The following SGCD variants were observed in gnomAD, a reference collection of about 807,000 sequenced individuals.
SGCD encodes delta-sarcoglycan.
Under a neutral mutation model 36.6 loss-of-function variants are expected in SGCD, and 18 were observed. The observed-to-expected ratio is 0.49, with a 90% confidence interval of 0.34 to 0.73. The LOEUF (loss-of-function observed/expected upper bound fraction) is 0.73. SGCD is among the 30% of genes least tolerant of loss of function. The pLI is 0.01. For missense variants in SGCD, 387 were observed against 346.7 expected, an observed-to-expected ratio of 1.12 and a Z score of -0.92; for synonymous variants, 133 against 130.6, an observed-to-expected ratio of 1.02 and a Z score of -0.12.
intron 1 of SGCD, among the ~76,000 whole-genome samples, chr5:156,107,378 C>T (rs1761674360): frequency 6.6e-6 from 1 of 152,066 alleles, no homozygotes; most frequent in South Asian, 2.1e-4. Flanking sequence ...TCACGGAACC[C>T]CTAGCAGCTC....
chr5:155,733,734 G>A, the SGCD span, among the ~76,000 whole-genome samples: 3 of 151,964 alleles, frequency 2.0e-5, no homozygotes, highest in African/African-American at 7.3e-5. Context: ...GTTAAGTTGG[G>A]CCCCGAGTGC....
intron 4 of SGCD, among the ~76,000 whole-genome samples, chr5:156,568,519 TTATTGGATCA>T (rs1279227308): frequency 6.6e-6 from 1 of 152,206 alleles, no homozygotes; most frequent in Non-Finnish European, 1.5e-5. Context: ...CCTAGTTGAC[TTATTGGATCA>T]TATTAGGTGG....
intron 3 of SGCD, among the ~76,000 whole-genome samples, chr5:156,393,445 ATAAAT>A (rs1307450242): frequency 1.3e-5 from 2 of 152,240 alleles, no homozygotes; most frequent in African/African-American, 2.4e-5. Flanking sequence ...ATACAGTTAA[ATAAAT>A]TAAAAGATAA....
chr5:155,899,313 T>C (rs925830839), intron 1 of SGCD, among the ~76,000 whole-genome samples: 5 of 152,198 alleles, frequency 3.3e-5, no homozygotes, highest in African/African-American at 4.8e-5. Context: ...TAAAATTTAC[T>C]GAAATGAGAA....
intron 3 of SGCD, among the ~76,000 whole-genome samples, chr5:156,424,471 C>T (rs954085420): frequency 4.6e-5 from 7 of 152,096 alleles, no homozygotes; most frequent in African/African-American, 1.7e-4. Context: ...GTTGTGCACA[C>T]ATCTCTGTTA....
chr5:155,793,474 AT>A, the SGCD span, among the ~76,000 whole-genome samples: 1 of 152,044 alleles, frequency 6.6e-6, no homozygotes, highest in East Asian at 1.9e-4. Flanking sequence ...TCAAGCAATT[AT>A]TTTTAGTTTT....
intron 3 of SGCD, among the ~76,000 whole-genome samples, chr5:156,294,993 T>C (rs1447321537): frequency 6.6e-6 from 1 of 152,286 alleles, no homozygotes; most frequent in African/African-American, 2.4e-5. Context: ...ACCACATAGA[T>C]TGAGTTAGGG....
intron 7 of SGCD, among the ~76,000 whole-genome samples, chr5:156,680,686 G>A (rs1200753846): frequency 1.3e-5 from 2 of 152,166 alleles, no homozygotes; most frequent in Non-Finnish European, 2.9e-5. Context: ...CTTATAATAG[G>A]CCTATGTGAA....
intron 2 of SGCD, among the ~76,000 whole-genome samples, chr5:156,339,589 C>A (rs1423917127): frequency 1.3e-5 from 2 of 152,094 alleles, no homozygotes; most frequent in African/African-American, 4.8e-5. Context: ...TTAAAACAAA[C>A]ATGACAATAA....
chr5:156,762,944 A>G lies in SGCD; in HGVS notation c.*3554A>G, dbSNP rs1757524185. ...AGTTACTTGGCAAAGTCTTTCAGGA[A>G]GGAAGCCCTTCCTTATGTTACATGT... On this transcript the variant is annotated 3_prime_UTR_variant, in exon 9 of 9. Transcript: ENST00000337851. 6.6e-6 allele frequency: 1 copy of G among 152,270 alleles called. No homozygotes were observed. Among genetic ancestry groups the G allele is most frequent in the Admixed American group, 6.5e-5 (1 of 15,278 alleles). 9.4% of individuals were successfully genotyped at this position (152,270 alleles called of 1,614,324 possible).
At chr5:156,403,888 G>T (rs1444168293) in intron 3 of SGCD, among the ~76,000 whole-genome samples, 1 of 151,066 alleles carries the variant, frequency 6.6e-6, no homozygotes, top group African/African-American at 2.4e-5. Flanking sequence ...ATGCTGGAGT[G>T]CAGTGTGCGA....
chr5:155,772,611 C>T, the SGCD span, among the ~76,000 whole-genome samples: 10 of 152,190 alleles, frequency 6.6e-5, no homozygotes, highest in Non-Finnish European at 1.2e-4. Flanking sequence ...ATGAATGTTA[C>T]TTCGGAGTTA....
intron 4 of SGCD, among the ~76,000 whole-genome samples, chr5:156,588,495 A>G (rs1262896972): frequency 6.6e-6 from 1 of 152,208 alleles, no homozygotes; most frequent in African/African-American, 2.4e-5. Flanking sequence ...GAAGCCTGAA[A>G]TATTCAGTCT....
intron 1 of SGCD, among the ~76,000 whole-genome samples, chr5:155,875,374 A>G (rs1162738332): frequency 1.3e-5 from 2 of 152,156 alleles, no homozygotes; most frequent in African/African-American, 4.8e-5. Flanking sequence ...ATACTTGTTA[A>G]ATATATGCAG....
chr5:156,035,421 C>A (rs903426823), intron 1 of SGCD, among the ~76,000 whole-genome samples: 1 of 151,990 alleles, frequency 6.6e-6, no homozygotes, highest in Non-Finnish European at 1.5e-5. Flanking sequence ...GCATGGGCAA[C>A]GTAGCGAAAC....
At chr5:156,568,940 G>C (rs570605911) in intron 4 of SGCD, among the ~76,000 whole-genome samples, 1 of 152,146 alleles carries the variant, frequency 6.6e-6, no homozygotes, top group African/African-American at 2.4e-5. Context: ...TATTATGTAT[G>C]TACACCAATA....
chr5:156,437,743 G>C (rs975912236), intron 3 of SGCD, among the ~76,000 whole-genome samples: 1 of 152,174 alleles, frequency 6.6e-6, no homozygotes, highest in Admixed American at 6.5e-5. Flanking sequence ...CAGGGGAGAT[G>C]GCAATTCAGG....
rs78081943 is a variant in SGCD, at chr5:155,987,140, C to A, written c.-282+116716C>A. On this transcript the variant is annotated intron_variant, in intron 1 of 9. Transcript: ENST00000517913. ...AGGTGAGCCTTTAGTAAGGCCTTGACAGAAATAGCTTATTTCCAAAAAGGC... is the reference window on the plus strand; with the variant it reads ...AGGTGAGCCTTTAGTAAGGCCTTGAAAGAAATAGCTTATTTCCAAAAAGGC... Among the ~76,000 whole-genome samples, 497 of 152,270 alleles carry A rather than the reference C, an allele frequency of 3.3e-3. 3 individuals carry two copies. Among genetic ancestry groups the A allele is most frequent in the African/African-American group, 0.011 (447 of 41,552 alleles).
chr5:155,909,130 A>G (rs1285589961), intron 1 of SGCD, among the ~76,000 whole-genome samples: 5 of 152,072 alleles, frequency 3.3e-5, no homozygotes, highest in African/African-American at 9.7e-5. Context: ...ATTGTCTGCA[A>G]TTCTCCTACA....
Sources: gnomAD v4.1 joint callset for allele counts (sites outside exome capture counted in the v4.1 genomes callset) on GRCh38, gnomAD v4.1.1 for gene constraint, MANE v1.5 for transcripts, NCBI Gene and HGNC (gene_info 2026-07-23, HGNC 2026-07-21) for gene names.